MYH11: variants seen among roughly 807,000 people sequenced by gnomAD.
MYH11 encodes the protein myosin heavy chain 11.
Under a neutral mutation model 246.6 loss-of-function variants are expected in MYH11, and 80 were observed. The ratio of observed to expected loss-of-function variants is 0.32; its 90% confidence interval spans 0.27 to 0.39. The LOEUF (loss-of-function observed/expected upper bound fraction) is 0.39. MYH11 is among the 10% of genes least tolerant of loss of function. MYH11 has a pLI of 1.00. For synonymous variants in MYH11, 1,071 were observed against 1,015.5 expected (o/e 1.05, Z -1.04); for missense variants, 2,158 against 2,546.8 (o/e 0.85, Z 3.29).
chr16:15,818,817 T>C (rs1462276717), intron 3 of MYH11, among the ~76,000 whole-genome samples: 1 of 152,178 alleles, frequency 6.6e-6, no homozygotes, highest in Non-Finnish European at 1.5e-5. Flanking sequence ...ATAGCAGGTG[T>C]TGGTTAACAT....
At chr16:15,742,507 C>A (rs72772026) in intron 20 of MYH11, among the ~76,000 whole-genome samples, 1 of 152,000 alleles carries the variant, frequency 6.6e-6, no homozygotes, top group African/African-American at 2.4e-5. Flanking sequence ...TTTGGGAGGC[C>A]GAGGCAAGCG....
At chr16:15,845,953 G>C (rs1334603397) in intron 1 of MYH11, among the ~76,000 whole-genome samples, 2 of 152,026 alleles carry the variant, frequency 1.3e-5, no homozygotes, top group Non-Finnish European at 2.9e-5. Flanking sequence ...TTAAAAATTA[G>C]CCAGGATTGG....
At chr16:15,728,736 C>T (rs2040871560) in intron 27 of MYH11, among the ~76,000 whole-genome samples, 1 of 152,056 alleles carries the variant, frequency 6.6e-6, no homozygotes, top group Non-Finnish European at 1.5e-5. Context: ...CCCGTCTCTA[C>T]TAAAAATATA....
intron 2 of MYH11, among the ~76,000 whole-genome samples, chr16:15,828,266 G>A (rs529700537): frequency 3.3e-5 from 5 of 152,232 alleles, no homozygotes; most frequent in Admixed American, 1.3e-4. Flanking sequence ...TTAGCATGGC[G>A]GCTGGTATGT....
intron 3 of MYH11, among the ~76,000 whole-genome samples, chr16:15,817,697 A>C (rs2043296726): frequency 6.6e-6 from 1 of 152,084 alleles, no homozygotes; most frequent in Non-Finnish European, 1.5e-5. Context: ...AACTCCTGTG[A>C]GGCAGCAAAG....
At chr16:15,812,221 T>C (rs949048379) in intron 3 of MYH11, among the ~76,000 whole-genome samples, 5 of 152,078 alleles carry the variant, frequency 3.3e-5, no homozygotes, top group African/African-American at 4.8e-5. Context: ...ACTTAACAAA[T>C]CTGCAGCAAG....
At position 15,750,580 on chromosome 16, in the gene MYH11, G is replaced by A. The variant is rs946581055; in HGVS notation, c.1865-249C>T. Among the ~76,000 whole-genome samples, 2 of 152,182 alleles carry A rather than the reference G, an allele frequency of 1.3e-5. No homozygotes were observed. The highest frequency in any genetic ancestry group is 2.4e-5 in the African/African-American group (1 of 41,454). ...CCTAGGAGTCAAGCCTGCTCTCGCT[G>A]TCCACTCACTGACTAGCCTTGGCTT... On this transcript the variant is annotated intron_variant, in intron 15 of 40. Transcript: ENST00000300036. The surrounding 1 kb of genome is among the most constrained non-coding windows in gnomAD (Gnocchi z 4.3).
chr16:15,741,996 C>T (rs965288943), intron 20 of MYH11, 105 bp from the exon 21 acceptor site: 19 of 1,500,206 alleles, frequency 1.3e-5, no homozygotes, highest in Admixed American at 3.9e-5. Context: ...TTGCCCCCAC[C>T]GATCCCCACT....
intron 27 of MYH11, 24 bp from the exon 28 acceptor site, chr16:15,727,078 G>A (rs1322133891): frequency 2.5e-6 from 4 of 1,609,052 alleles, no homozygotes; most frequent in South Asian, 1.1e-5. Flanking sequence ...CAGAGGGGAG[G>A]GATAACAGGG....
chr16:15,798,659 C>T lies in MYH11; in HGVS notation c.530+1G>A. The T allele has an allele frequency of 1.3e-6, 2 of 1,594,034 alleles. No individual in the cohort carries two copies. The highest frequency in any genetic ancestry group is 1.7e-6 in the Non-Finnish European group (2 of 1,170,368). On this transcript the variant is annotated splice_donor_variant, in intron 4 of 40. Coordinates refer to ENST00000300036, the MANE Select transcript of MYH11 (RefSeq NM_002474.3). LOFTEE classifies it high-confidence loss of function. ...ACAGAAGAAAAAGCAGTTCCACTTA[C>T]GTGCATAGAATGGACTGGTCCTCCC...
At position 15,717,153 on chromosome 16, in the gene MYH11, C is replaced by G. The variant is rs750433973; in HGVS notation, c.5491G>C (p.Glu1831Gln). The change falls in exon 38 of 41, where the codon GAG becomes CAG. Residue 1831 changes from glutamate (E) to glutamine (Q), a missense_variant. Glu to Gln is a conservative substitution (Grantham distance 29, BLOSUM62 2). Coordinates refer to ENST00000300036, the MANE Select transcript of MYH11 (RefSeq NM_002474.3). Reference sequence around the variant, plus strand: ...ACACCCGCATACCTGGCCTCCTGCTCGACCTGCTCCTCCAGCTGTGCAATC... The same window carrying G: ...ACACCCGCATACCTGGCCTCCTGCTGGACCTGCTCCTCCAGCTGTGCAATC... Reference protein sequence around the residue: ...AKIAQLEEQVEQEAREKQAAT... With the variant: ...AKIAQLEEQVQQEAREKQAAT... 6.2e-7 allele frequency: 1 copy of G among 1,614,070 alleles called. No homozygotes were observed. Among genetic ancestry groups the G allele is most frequent in the Non-Finnish European group, 8.5e-7 (1 of 1,180,038 alleles).
rs530121579 is a variant in MYH11 at position 15,752,152 on chromosome 16, C to T, written c.1864+1242G>A. ...ATCTCTCCCACAAGACTGTGGGTCC[C>T]GCAGAGGAGGGACTACAGGCTTCAT... On this transcript the variant is annotated intron_variant, in intron 15 of 40. Transcript: ENST00000300036. 1.0e-3 allele frequency among the ~76,000 whole-genome samples: 158 copies of T among 151,914 alleles called. 1 individual carries two copies. Among genetic ancestry groups the T allele is most frequent in the Non-Finnish European group, 2.1e-3 (140 of 68,000 alleles).
intron 38 of MYH11, among the ~76,000 whole-genome samples, 177 bp from the exon 39 acceptor site, chr16:15,715,449 C>T (rs914026172): frequency 1.3e-5 from 2 of 152,176 alleles, no homozygotes; most frequent in African/African-American, 4.8e-5. Flanking sequence ...AGTATCAATG[C>T]ATGCCACAGC....
intron 1 of MYH11, among the ~76,000 whole-genome samples, chr16:15,850,230 C>CA (rs1462664387): frequency 2.6e-5 from 4 of 151,922 alleles, no homozygotes; most frequent in East Asian, 1.9e-4. Context: ...ACTAAAAATA[C>CA]AAAAAATAGC....
intron 3 of MYH11, among the ~76,000 whole-genome samples, chr16:15,822,947 C>A (rs541083635): frequency 6.6e-6 from 1 of 152,358 alleles, no homozygotes; most frequent in African/African-American, 2.4e-5. Flanking sequence ...AATGGCTCAG[C>A]CCCAGGGCTG....
chr16:15,728,574 T>C (rs561401052), intron 27 of MYH11, among the ~76,000 whole-genome samples: 10 of 152,098 alleles, frequency 6.6e-5, no homozygotes, highest in African/African-American at 1.9e-4. Flanking sequence ...AACCAGCTCC[T>C]GTAGGCATGT....
At chr16:15,709,928 G>C (rs1006760521) in intron 40 of MYH11, among the ~76,000 whole-genome samples, 1 of 152,154 alleles carries the variant, frequency 6.6e-6, no homozygotes, top group African/African-American at 2.4e-5. Context: ...TCTGGCTTTA[G>C]AGAGGGCTTG....
chr16:15,762,758 G>A (rs745841969), intron 10 of MYH11, among the ~76,000 whole-genome samples: 27 of 152,146 alleles, frequency 1.8e-4, no homozygotes, highest in Admixed American at 4.6e-4. Context: ...CCATGCAGCC[G>A]GCTCTGCGTG....
At chr16:15,732,535 C>T in intron 27 of MYH11, 29 bp downstream of exon 27, 1 of 1,613,768 alleles carries the variant, frequency 6.2e-7, no homozygotes, top group Non-Finnish European at 8.5e-7. Flanking sequence ...TATGTGTCAT[C>T]ACCAAAAAGC....
Sources: allele counts gnomAD v4.1 joint callset (sites outside exome capture counted in the v4.1 genomes callset), GRCh38; gene constraint gnomAD v4.1.1; non-coding constraint Gnocchi (gnomAD v3.1); transcripts MANE v1.5; gene names NCBI Gene and HGNC (gene_info 2026-07-23, HGNC 2026-07-21).